FGF14: variants seen among roughly 807,000 people sequenced by gnomAD.
The protein encoded by FGF14 is fibroblast growth factor 14.
Under a neutral mutation model 25.5 loss-of-function variants are expected in FGF14, and 5 were observed. The observed-to-expected ratio is 0.20, with a 90% CI of 0.10 to 0.41. FGF14 has a LOEUF of 0.41. FGF14 is among the 10% of genes least tolerant of loss of function. The pLI is 1.00. For missense variants in FGF14, 222 were observed against 320.1 expected, an observed-to-expected ratio of 0.69 and a Z score of 2.34; for synonymous variants, 138 against 118.3, an observed-to-expected ratio of 1.17 and a Z score of -1.08.
intron 1 of FGF14, among the ~76,000 whole-genome samples, chr13:101,879,077 A>C (rs898888741): frequency 6.6e-6 from 1 of 152,294 alleles, no homozygotes; most frequent in South Asian, 2.1e-4. Flanking sequence ...AAAATGCAAA[A>C]TACTTTTTAA....
At chr13:101,999,256 T>C (rs1234704826) in intron 1 of FGF14, among the ~76,000 whole-genome samples, 3 of 152,216 alleles carry the variant, frequency 2.0e-5, no homozygotes, top group Non-Finnish European at 2.9e-5. Context: ...AGAAATTGAT[T>C]AAATTATGAG....
intron 1 of FGF14, among the ~76,000 whole-genome samples, chr13:102,221,433 T>C (rs192550313): frequency 1.2e-3 from 185 of 152,328 alleles, no homozygotes; most frequent in African/African-American, 3.1e-3. Flanking sequence ...ACCCATTTTC[T>C]ATCTCTGCTC....
chr13:102,372,043 G>A (rs1052187000), intron 1 of FGF14, among the ~76,000 whole-genome samples: 2 of 152,046 alleles, frequency 1.3e-5, no homozygotes, highest in Admixed American at 6.6e-5. Flanking sequence ...CTGGATCATC[G>A]TCTACTTTTC....
chr13:102,129,166 C>G (rs928441055), intron 1 of FGF14, among the ~76,000 whole-genome samples: 1 of 152,088 alleles, frequency 6.6e-6, no homozygotes, highest in Non-Finnish European at 1.5e-5. Flanking sequence ...AGGAGAATCA[C>G]TTGAACTCGG....
intron 1 of FGF14, among the ~76,000 whole-genome samples, chr13:102,229,483 A>C (rs1451462793): frequency 1.3e-5 from 2 of 152,092 alleles, no homozygotes; most frequent in Non-Finnish European, 2.9e-5. Flanking sequence ...TATTCTTTCC[A>C]CTATTTCTTG....
intron 1 of FGF14, among the ~76,000 whole-genome samples, chr13:102,077,334 G>A (rs990271754): frequency 2.0e-5 from 3 of 152,078 alleles, no homozygotes; most frequent in Non-Finnish European, 4.4e-5. Context: ...CACAGTAAGG[G>A]AACAATCAAC....
chr13:102,379,771 T>G (rs2058136675), intron 1 of FGF14, among the ~76,000 whole-genome samples: 1 of 152,146 alleles, frequency 6.6e-6, no homozygotes, highest in Non-Finnish European at 1.5e-5. Context: ...ATAATTGTAC[T>G]TTTCTCTGGC....
At chr13:102,299,404 TAGGATTAAGCCATGTGCACATTTAA>T (rs1304241181) in intron 1 of FGF14, among the ~76,000 whole-genome samples, 3 of 152,112 alleles carry the variant, frequency 2.0e-5, no homozygotes, top group African/African-American at 7.2e-5. Context: ...CAGTGCTTCT[TAGGATTAAGCCATGTGCACATTTAA>T]AGGTTAGGAG....
chr13:101,745,026 A>T, intron 3 of FGF14, among the ~76,000 whole-genome samples: 1 of 152,092 alleles, frequency 6.6e-6, no homozygotes, highest in East Asian at 1.9e-4. Context: ...ACAAAGAATC[A>T]TATGCCGCTC....
chr13:102,035,815 C>T (rs946195816), intron 1 of FGF14, among the ~76,000 whole-genome samples: 1 of 152,072 alleles, frequency 6.6e-6, no homozygotes, highest in Non-Finnish European at 1.5e-5. Flanking sequence ...CAGACAGTCA[C>T]CAATATTCCT....
chr13:101,735,818 T>A (rs943976134), intron 3 of FGF14, among the ~76,000 whole-genome samples: 3 of 152,180 alleles, frequency 2.0e-5, no homozygotes, highest in African/African-American at 7.2e-5. Flanking sequence ...CAAAGGTACA[T>A]TTCTTGGGCA....
chr13:101,938,660 C>T (rs1368860794), intron 1 of FGF14, among the ~76,000 whole-genome samples: 1 of 152,150 alleles, frequency 6.6e-6, no homozygotes, highest in South Asian at 2.1e-4. Flanking sequence ...GATCTCAAAG[C>T]TAAGCACATT....
intron 4 of FGF14, among the ~76,000 whole-genome samples, chr13:101,726,113 G>T (rs1038162754): frequency 6.6e-6 from 1 of 151,928 alleles, no homozygotes; most frequent in Non-Finnish European, 1.5e-5. Context: ...TTCTTTAAGA[G>T]TCAAGCTATT....
At chr13:101,844,980 G>A (rs923957126) in intron 3 of FGF14, among the ~76,000 whole-genome samples, 3 of 151,932 alleles carry the variant, frequency 2.0e-5, no homozygotes, top group East Asian at 3.9e-4. Flanking sequence ...CTGGTACTTG[G>A]TAGAATAATA....
intron 1 of FGF14, among the ~76,000 whole-genome samples, chr13:101,946,046 A>T (rs2035783411): frequency 6.6e-6 from 1 of 152,162 alleles, no homozygotes; most frequent in Non-Finnish European, 1.5e-5. Context: ...CTAAGAAAGA[A>T]TTCTCATTTC....
At chr13:101,840,572 A>T (rs1037129084) in intron 3 of FGF14, among the ~76,000 whole-genome samples, 2 of 151,948 alleles carry the variant, frequency 1.3e-5, no homozygotes, top group African/African-American at 2.4e-5. Flanking sequence ...AAAGGTATTC[A>T]GAAGAATGGT....
chr13:101,764,746 G>A (rs1418608238), intron 3 of FGF14, among the ~76,000 whole-genome samples: 2 of 152,162 alleles, frequency 1.3e-5, no homozygotes, highest in African/African-American at 4.8e-5. Context: ...TGACACAATG[G>A]CAAGAGGTAC....
intron 1 of FGF14, among the ~76,000 whole-genome samples, chr13:101,888,185 C>T (rs963499345): frequency 3.3e-5 from 5 of 152,150 alleles, no homozygotes; most frequent in Non-Finnish European, 5.9e-5. Flanking sequence ...CACTGAACAT[C>T]AGAGAAATAG....
At chr13:102,035,164 G>A (rs1382372632) in intron 1 of FGF14, among the ~76,000 whole-genome samples, 1 of 152,134 alleles carries the variant, frequency 6.6e-6, no homozygotes, top group Non-Finnish European at 1.5e-5. Context: ...CTATGTCTCA[G>A]TATAGGAGCC....
Sources: gnomAD v4.1 joint callset for allele counts (sites outside exome capture counted in the v4.1 genomes callset) on GRCh38, gnomAD v4.1.1 for gene constraint, MANE v1.5 for transcripts, NCBI Gene and HGNC (gene_info 2026-07-23, HGNC 2026-07-21) for gene names.